The following UBAP2L variants were observed in gnomAD, a reference collection of about 807,000 sequenced individuals.
UBAP2L encodes ubiquitin-associated protein 2-like.
A neutral mutation model predicts 130.6 loss-of-function variants in UBAP2L; 12 were observed. That is an observed-to-expected ratio of 0.09 (90% CI 0.06 to 0.15). The LOEUF is 0.15. UBAP2L is among the 10% of genes least tolerant of loss of function. UBAP2L has a pLI of 1.00. For missense variants in UBAP2L, 965 were observed against 1,332.5 expected (o/e 0.72, Z 4.29); for synonymous variants, 503 against 524.7 (o/e 0.96, Z 0.57).
chr1:154,256,833 T>C lies in UBAP2L; in HGVS notation c.2158-230T>C, dbSNP rs1679844440. Among the ~76,000 whole-genome samples the C allele has an allele frequency of 3.3e-5, 5 of 152,206 alleles. No individual in the cohort carries two copies. The South Asian group carries it at 1.0e-3, about 32-fold the overall frequency. Reference sequence around the variant, plus strand: ...ACTGTCTTTCTGAACAGGATGATGATGTGCAGTGAGTCTGTTACCATTCTT... The same window carrying C: ...ACTGTCTTTCTGAACAGGATGATGACGTGCAGTGAGTCTGTTACCATTCTT... On this transcript the variant is annotated intron_variant, in intron 18 of 26. Coordinates refer to ENST00000428931, the MANE Select transcript of UBAP2L (RefSeq NM_014847.4).
upstream of UBAP2L, chr1:154,220,455 G>A (rs1238991326): frequency 2.5e-6 from 4 of 1,610,744 alleles, no homozygotes; most frequent in African/African-American, 1.3e-5. Context: ...CCGCTGTCCT[G>A]GCTGGTCAGC....
chr1:154,254,048 T>G lies in UBAP2L; in HGVS notation c.1813T>G (p.Ser605Ala). The G allele has an allele frequency of 6.2e-7, 1 of 1,600,812 alleles. No individual in the cohort carries two copies. Among genetic ancestry groups the G allele is most frequent in the Non-Finnish European group, 8.5e-7 (1 of 1,174,554 alleles). ...RSTQTRRYPS[S>A]ISSSPQKDLT... ...CACACAGACTCGGCGGTACCCCAGCTCCATCTCTTCATCACCCCAAAAGGA... is the reference window on the plus strand; with the variant it reads ...CACACAGACTCGGCGGTACCCCAGCGCCATCTCTTCATCACCCCAAAAGGA... The change falls in exon 15 of 27, where the codon TCC (serine) becomes GCC (alanine). Residue 605 changes from serine to alanine, a missense_variant. By Grantham distance (99) the Ser-to-Ala change is moderately conservative (BLOSUM62 1). Transcript: ENST00000428931.
Position 154,270,201 on chromosome 1 carries a change from C to CGGGCAGCGGGCA in UBAP2L, c.3171_3182dup (p.Gly1058_Gln1061dup). 1 of 1,596,216 alleles carries CGGGCAGCGGGCA rather than the reference C, an allele frequency of 6.3e-7. No homozygotes were observed. The highest frequency in any genetic ancestry group is 8.6e-7 in the Non-Finnish European group (1 of 1,169,210). ...CATGATCCTCCCATTCCCCTGCAGA[C>CGGGCAGCGGGCA]GGGCAGCGGGCAACGTAGCCAGACC... is the stretch of plus-strand genomic sequence containing the variant. On this transcript the variant is annotated inframe_insertion and splice_region_variant, in exon 27 of 27. Transcript: ENST00000428931.
chr1:154,235,370 T>A (rs962323111), intron 6 of UBAP2L, 79 bp downstream of exon 6: 2 of 636,518 alleles, frequency 3.1e-6, no homozygotes, highest in South Asian at 1.9e-5. Context: ...TTTTTTTTTT[T>A]ATTGGAGGTA....
chr1:154,248,685 G>A (rs560387610), intron 11 of UBAP2L, among the ~76,000 whole-genome samples: 1 of 152,138 alleles, frequency 6.6e-6, no homozygotes, highest in African/African-American at 2.4e-5. Flanking sequence ...GTGTGGTGGC[G>A]GGTGCCTGTA....
At chr1:154,271,138 G>T, downstream of UBAP2L, 3 of 577,760 alleles carry the variant, frequency 5.2e-6, no homozygotes, top group East Asian at 3.0e-5. Context: ...ATCTACAGCC[G>T]ATTTCAGGCA....
At chr1:154,228,941 C>T (rs1668882192) in intron 4 of UBAP2L, among the ~76,000 whole-genome samples, 1 of 152,068 alleles carries the variant, frequency 6.6e-6, no homozygotes. Flanking sequence ...TAGGAGAAAA[C>T]AGTGAAATCA....
downstream of UBAP2L, chr1:154,270,864 A>T: frequency 6.6e-7 from 1 of 1,521,140 alleles, no homozygotes; most frequent in Non-Finnish European, 8.8e-7. Flanking sequence ...GCCTCTGCCT[A>T]TTCTTGCTCC....
rs779286424 is a variant in UBAP2L, at chr1:154,234,641, T to C, written c.330T>C (p.Asp110=). 6 of 1,613,994 alleles carry C rather than the reference T, an allele frequency of 3.7e-6. No homozygotes were observed. Among genetic ancestry groups the C allele is most frequent in the South Asian group, 1.1e-5 (1 of 91,068 alleles). The change falls in exon 5 of 27, where the codon GAT becomes GAC. Residue 110 remains aspartate, a synonymous_variant. Coordinates refer to ENST00000428931, the MANE Select transcript of UBAP2L (RefSeq NM_014847.4). ...AGAAGGGAGTCTCAGGCCAGAAGGA[T>C]GGTGGCCAGACGGAATCCAATGAGG... ...GKKKGVSGQK[D]GGQTESNEEG...
chr1:154,255,694 CGCA>C lies in UBAP2L; in HGVS notation c.2101_2103del (p.Gln701del). The C allele has an allele frequency of 6.2e-7, 1 of 1,614,144 alleles. No homozygotes were observed. The highest frequency in any genetic ancestry group is 1.1e-5 in the South Asian group (1 of 91,088). On this transcript the variant is annotated inframe_deletion, in exon 18 of 27. Transcript: ENST00000428931. ...TTTTTTTCTGACAGCACGTTATCTA[CGCA>C]GCAGAATACCCTTTCATCATCAACA...
chr1:154,271,111 C>T (rs1346564251), downstream of UBAP2L: 5 of 665,396 alleles, frequency 7.5e-6, no homozygotes, highest in East Asian at 2.9e-5. Flanking sequence ...ATCTTCATTT[C>T]CTCCAGAAAC....
At position 154,266,514 on chromosome 1, in the gene UBAP2L, C is replaced by T; in HGVS notation, c.2916C>T (p.Thr972=). ...CTCCTCCCCCAGGTGTTTCAGTCAC[C>T]TCCAGTAACACGGGCGTGCCAGATA... ...SHGYNTGVSV[T]SSNTGVPDIS... The change falls in exon 25 of 27, where the codon ACC becomes ACT. Residue 972 remains threonine, a synonymous_variant. Coordinates refer to ENST00000428931, the MANE Select transcript of UBAP2L (RefSeq NM_014847.4). 1.9e-6 allele frequency: 3 copies of T among 1,614,200 alleles called. No homozygotes were observed. The South Asian group carries it at 3.3e-5, about 18-fold the overall frequency.
intron 5 of UBAP2L, 80 bp downstream of exon 5, chr1:154,234,839 A>G (rs1671082589): frequency 6.5e-7 from 1 of 1,528,706 alleles, no homozygotes; most frequent in African/African-American, 1.4e-5. Flanking sequence ...CCTGCTAGTC[A>G]GGACCTAGGA....
At chr1:154,271,202 G>A (rs915190695), downstream of UBAP2L, 15 of 393,322 alleles carry the variant, frequency 3.8e-5, no homozygotes, top group Non-Finnish European at 6.4e-5. Context: ...GATCAAGAAG[G>A]AGCTGAGACC....
chr1:154,237,129 T>C lies in UBAP2L; in HGVS notation c.696T>C (p.Asp232=). 6.2e-7 allele frequency: 1 copy of C among 1,613,332 alleles called. No homozygotes were observed. ...WNNTGHFEPD[D]GTSAWRTATE... ...ACACTGGCCACTTTGAACCAGATGATGGGACGAGTGAGTGACCATTTATCA... is the reference window on the plus strand; with the variant it reads ...ACACTGGCCACTTTGAACCAGATGACGGGACGAGTGAGTGACCATTTATCA... The change falls in exon 8 of 27, where the codon GAT becomes GAC. Residue 232 remains aspartate (D), a synonymous_variant. Coordinates refer to ENST00000428931, the MANE Select transcript of UBAP2L (RefSeq NM_014847.4).
At chr1:154,222,915 C>T (rs146300436) in intron 1 of UBAP2L, among the ~76,000 whole-genome samples, 43 of 152,316 alleles carry the variant, frequency 2.8e-4, no homozygotes, top group African/African-American at 9.4e-4. Context: ...TTTACTCTCG[C>T]ACGATTTCCT....
intron 2 of UBAP2L, among the ~76,000 whole-genome samples, 171 bp from the exon 3 acceptor site, chr1:154,227,111 C>T (rs567801802): frequency 6.6e-6 from 1 of 152,326 alleles, no homozygotes; most frequent in South Asian, 2.1e-4. Flanking sequence ...CGTGAGCCAC[C>T]ACCCGCACCT....
intron 8 of UBAP2L, among the ~76,000 whole-genome samples, chr1:154,240,939 C>CCG (rs1553267159): frequency 2.8e-5 from 3 of 106,412 alleles, no homozygotes; most frequent in African/African-American, 1.1e-4. Flanking sequence ...TGTCTGTCCC[C>CCG]CCCCCCACCC....
At position 154,234,730 on chromosome 1, in the gene UBAP2L, G is replaced by C; in HGVS notation, c.419G>C (p.Arg140Pro). 1 of 1,608,514 alleles carries C rather than the reference G, an allele frequency of 6.2e-7. No homozygotes were observed. The highest frequency in any genetic ancestry group is 8.5e-7 in the Non-Finnish European group (1 of 1,177,188). Residue 140 changes from arginine (R) to proline (P), a missense_variant, in exon 5 of 27, where the codon CGG (arginine) becomes CCG (proline). By Grantham distance (103) the Arg-to-Pro change is moderately radical (BLOSUM62 -2). Coordinates refer to ENST00000428931, the MANE Select transcript of UBAP2L (RefSeq NM_014847.4). ...CGGCGACGTGGTGGGCCACCAAGAC[G>C]GGGGAGAGGTGCCAGCCGTGGACGA... ...YSRRRGGPPR[R>P]GRGASRGREF...
Sources: gnomAD v4.1 joint callset for allele counts (sites outside exome capture counted in the v4.1 genomes callset) on GRCh38, gnomAD v4.1.1 for gene constraint, MANE v1.5 for transcripts, NCBI Gene and HGNC (gene_info 2026-07-23, HGNC 2026-07-21) for gene names.